GPC5: variants seen among roughly 807,000 people sequenced by gnomAD.
GPC5 encodes the protein glypican 5, also known as glypican-5.
GPC5 carries 47 observed loss-of-function variants against 53.9 expected under a neutral mutation model. That is an observed-to-expected ratio of 0.87 (90% CI 0.69 to 1.11). The LOEUF (loss-of-function observed/expected upper bound fraction) is 1.11, where lower values mean the gene tolerates loss of function less well. Ranked by LOEUF, GPC5 falls within the 50% of genes most tolerant of loss-of-function variation. The pLI is 0.00. For missense variants in GPC5, 748 were observed against 713.1 expected, an observed-to-expected ratio of 1.05 and a Z score of -0.56; for synonymous variants, 286 against 263.3, an observed-to-expected ratio of 1.09 and a Z score of -0.84.
chr13:92,087,323 C>T (rs925126696), intron 6 of GPC5, among the ~76,000 whole-genome samples: 5 of 152,236 alleles, frequency 3.3e-5, no homozygotes, highest in Middle Eastern at 3.4e-3. Context: ...ATACTGTAAA[C>T]GTTAAGAATG....
chr13:92,737,748 C>CT lies in GPC5; in HGVS notation c.1562-128523dup, dbSNP rs200370425. 0.025 allele frequency among the ~76,000 whole-genome samples: 2,710 copies of CT among 108,098 alleles called. 200 individuals are homozygous for CT. The East Asian group carries it at 0.29, about 11-fold the overall frequency. 70.9% of individuals were successfully genotyped at this position (108,098 alleles called of 152,430 possible). A position where few individuals can be genotyped will look rare whatever the true frequency, so the allele number is the denominator to read the frequency against. On this transcript the variant is annotated intron_variant, in intron 7 of 7. Coordinates refer to ENST00000377067, the MANE Select transcript of GPC5 (RefSeq NM_004466.6). ...AAATGGAAAATGACATATTTTCTTTCTTTTTTTTTTTCTTTTTCTTTTTTT... is the reference window on the plus strand; with the variant it reads ...AAATGGAAAATGACATATTTTCTTTCTTTTTTTTTTTTCTTTTTCTTTTTTT...
At chr13:92,150,640 T>C (rs2041900290) in intron 7 of GPC5, among the ~76,000 whole-genome samples, 1 of 151,986 alleles carries the variant, frequency 6.6e-6, no homozygotes, top group South Asian at 2.1e-4. Flanking sequence ...AAGTAAAAGG[T>C]TTGTCCTTGA....
chr13:92,723,493 G>T (rs887917326), intron 7 of GPC5, among the ~76,000 whole-genome samples: 20 of 151,734 alleles, frequency 1.3e-4, no homozygotes, highest in South Asian at 6.2e-4. Context: ...GATCAAGCTT[G>T]TTTAGCTTTA....
intron 7 of GPC5, among the ~76,000 whole-genome samples, chr13:92,593,182 T>C (rs1883768286): frequency 1.3e-5 from 2 of 150,950 alleles, no homozygotes; most frequent in African/African-American, 2.4e-5. Context: ...ACCATCTCTG[T>C]CTGTTGAAAA....
intron 5 of GPC5, among the ~76,000 whole-genome samples, chr13:91,794,910 CA>C (rs2038023310): frequency 6.6e-6 from 1 of 152,016 alleles, no homozygotes; most frequent in Non-Finnish European, 1.5e-5. Flanking sequence ...ATTTAAAGGT[CA>C]GCTACTGAAT....
intron 7 of GPC5, among the ~76,000 whole-genome samples, chr13:92,794,151 C>T (rs572164366): frequency 6.6e-6 from 1 of 152,262 alleles, no homozygotes; most frequent in Non-Finnish European, 1.5e-5. Flanking sequence ...TACTGACAAA[C>T]TGTATCCAAC....
At chr13:92,776,308 T>G (rs2138755372) in intron 7 of GPC5, among the ~76,000 whole-genome samples, 1 of 152,078 alleles carries the variant, frequency 6.6e-6, no homozygotes, top group African/African-American at 2.4e-5. Flanking sequence ...CACAGCGAGC[T>G]CTCTCTCTCT....
At chr13:92,300,100 C>T (rs1425047211) in intron 7 of GPC5, among the ~76,000 whole-genome samples, 3 of 152,126 alleles carry the variant, frequency 2.0e-5, no homozygotes, top group Non-Finnish European at 4.4e-5. Context: ...AGTTGAAACT[C>T]CTTATTCTCT....
In GPC5 at chr13:92,144,915, G is replaced by A. The variant is rs750979185; in HGVS notation, c.1487G>A (p.Gly496Glu). ...SGGGMVEQVS[G>E]DCDDEDGCGG... The stretch of plus-strand genomic sequence containing the variant: ...GGAGGCATGGTTGAACAAGTCAGTG[G>A]GGACTGTGATGATGAAGATGGTTGC... The change falls in exon 7 of 8, where the codon GGG (glycine) becomes GAG (glutamate). Residue 496 changes from glycine to glutamate, a missense_variant. Transcript: ENST00000377067. 2.5e-6 allele frequency: 4 copies of A among 1,600,952 alleles called. No individual in the cohort carries two copies. The highest frequency in any genetic ancestry group is 1.8e-5 in the Admixed American group (1 of 56,902).
At chr13:92,362,159 A>G (rs979805775) in intron 7 of GPC5, among the ~76,000 whole-genome samples, 1 of 150,560 alleles carries the variant, frequency 6.6e-6, no homozygotes, top group Non-Finnish European at 1.5e-5. Context: ...AAAGTTTTCC[A>G]TGTTTTATAA....
intron 6 of GPC5, among the ~76,000 whole-genome samples, chr13:92,073,578 G>T (rs2041229852): frequency 1.3e-5 from 2 of 152,118 alleles, no homozygotes; most frequent in African/African-American, 4.8e-5. Flanking sequence ...CCTGCTGCAG[G>T]ATGATGACTT....
intron 7 of GPC5, among the ~76,000 whole-genome samples, chr13:92,164,787 G>A (rs1023602390): frequency 1.3e-5 from 2 of 152,176 alleles, no homozygotes; most frequent in African/African-American, 4.8e-5. Context: ...CTCCATGAGG[G>A]CTCTGCCCCT....
At chr13:91,763,005 A>T (rs575078655) in intron 5 of GPC5, among the ~76,000 whole-genome samples, 23 of 152,218 alleles carry the variant, frequency 1.5e-4, no homozygotes, top group African/African-American at 5.3e-4. Flanking sequence ...TTTGGAATAG[A>T]TCTCCTGGAT....
chr13:92,217,830 A>C lies in GPC5; in HGVS notation c.1561+72841A>C, dbSNP rs144455179. Among the ~76,000 whole-genome samples, 106 of 151,908 alleles carry C rather than the reference A, an allele frequency of 7.0e-4. No individual in the cohort carries two copies. The East Asian group carries it at 0.018, about 26-fold the overall frequency. ...CCAGATAACTCATGCAGTTACCCTA[A>C]TATGCCATAATACAACATGGAGAAC... On this transcript the variant is annotated intron_variant, in intron 7 of 7. Coordinates refer to ENST00000377067, the MANE Select transcript of GPC5 (RefSeq NM_004466.6).
intron 6 of GPC5, among the ~76,000 whole-genome samples, chr13:91,968,436 TGA>T (rs954264945): frequency 2.6e-5 from 4 of 152,074 alleles, no homozygotes; most frequent in African/African-American, 9.7e-5. Context: ...TTTCAAAATG[TGA>T]TAGTTTTTAA....
intron 1 of GPC5, among the ~76,000 whole-genome samples, chr13:91,403,417 T>C (rs1369889257): frequency 6.6e-6 from 1 of 152,156 alleles, no homozygotes; most frequent in Non-Finnish European, 1.5e-5. Context: ...AGTGGGGCAA[T>C]TCAGGAATTG....
chr13:92,790,255 G>A (rs763502677), intron 7 of GPC5, among the ~76,000 whole-genome samples: 5 of 152,080 alleles, frequency 3.3e-5, no homozygotes, highest in Non-Finnish European at 2.9e-5. Flanking sequence ...TTGACACTCA[G>A]TATTAACCAT....
intron 5 of GPC5, among the ~76,000 whole-genome samples, chr13:91,887,398 G>A (rs1401107979): frequency 6.6e-6 from 1 of 152,190 alleles, no homozygotes; most frequent in South Asian, 2.1e-4. Context: ...TGCTGTGAAG[G>A]TGTGAAGGTC....
In GPC5 at chr13:92,304,889, A is replaced by G. The variant is rs79325424; in HGVS notation, c.1561+159900A>G. On this transcript the variant is annotated intron_variant, in intron 7 of 7. Transcript: ENST00000377067. Reference sequence around the variant, plus strand: ...TTATGATTTCAAAAATCCATTTCCCATAGCTTAGATCTTTGTTAAACCATT... The same window carrying G: ...TTATGATTTCAAAAATCCATTTCCCGTAGCTTAGATCTTTGTTAAACCATT... Among the ~76,000 whole-genome samples, 921 of 152,286 alleles carry G rather than the reference A, an allele frequency of 6.0e-3. 4 individuals are homozygous for G. The highest frequency in any genetic ancestry group is 0.021 in the African/African-American group (866 of 41,562).
Sources: allele counts gnomAD v4.1 joint callset (sites outside exome capture counted in the v4.1 genomes callset), GRCh38; gene constraint gnomAD v4.1.1; transcripts MANE v1.5; gene names NCBI Gene and HGNC (gene_info 2026-07-23, HGNC 2026-07-21).